GOLGA4: variants seen among roughly 807,000 people sequenced by gnomAD.
GOLGA4 encodes golgin A4.
GOLGA4 carries 169 observed loss-of-function variants against 265.9 expected under a neutral mutation model. The ratio of observed to expected loss-of-function variants is 0.64; its 90% CI spans 0.56 to 0.72. The LOEUF is 0.72. Ranked by LOEUF, GOLGA4 falls within the 30% of genes least tolerant of loss-of-function variation. The probability of loss-of-function intolerance (pLI) is 0.00; values close to 1 mark genes in which losing one functional copy is unlikely to be tolerated. For missense variants in GOLGA4, 2,482 were observed against 2,483.4 expected (o/e 1.00, Z 0.01); for synonymous variants, 923 against 855.8 (o/e 1.08, Z -1.37).
At chr3:37,355,639 C>G (rs182706782) in intron 22 of GOLGA4, among the ~76,000 whole-genome samples, 41 of 152,086 alleles carry the variant, frequency 2.7e-4, no homozygotes, top group Middle Eastern at 3.4e-3. Context: ...GCTTTTGATA[C>G]CTTATGGGGG....
intron 2 of GOLGA4, among the ~76,000 whole-genome samples, chr3:37,259,864 C>T (rs542121075): frequency 4.6e-5 from 7 of 152,232 alleles, no homozygotes; most frequent in South Asian, 2.1e-4. Flanking sequence ...TCCTTTTATG[C>T]TGTCATTTTG....
At chr3:37,353,724 G>A (rs1462392285) in intron 21 of GOLGA4, among the ~76,000 whole-genome samples, 2 of 151,776 alleles carry the variant, frequency 1.3e-5, no homozygotes, top group Admixed American at 1.3e-4. Flanking sequence ...TTGTAGAGAC[G>A]GCCATAAATA....
intron 12 of GOLGA4, among the ~76,000 whole-genome samples, chr3:37,320,858 T>C (rs1450386554): frequency 6.6e-6 from 1 of 152,138 alleles, no homozygotes; most frequent in African/African-American, 2.4e-5. Flanking sequence ...TATAGAGATA[T>C]ATTTAAAATA....
At position 37,243,428 on chromosome 3, in the gene GOLGA4, C is replaced by T; in HGVS notation, c.-123C>T. ...CTTGCCCACAGCCTCAAGGAGGAGA[C>T]GGCGAGGCCCGGCCCCCGCTGTCCC... is the stretch of plus-strand genomic sequence containing the variant. On this transcript the variant is annotated 5_prime_UTR_variant, in exon 1 of 24. In the 5' UTR this introduces an upstream ATG that the reference lacks. Transcript: ENST00000361924. 2 of 803,864 alleles carry T rather than the reference C, an allele frequency of 2.5e-6. No individual in the cohort carries two copies. The highest frequency in any genetic ancestry group is 4.3e-6 in the Non-Finnish European group (2 of 468,276). 49.8% of individuals were successfully genotyped at this position (803,864 alleles called of 1,614,324 possible).
chr3:37,283,096 A>T (rs900018867), intron 3 of GOLGA4, among the ~76,000 whole-genome samples: 3 of 152,236 alleles, frequency 2.0e-5, no homozygotes, highest in Admixed American at 6.5e-5. Context: ...CAGAGTCAGT[A>T]TATTAAAGAT....
chr3:37,325,702 T>C lies in GOLGA4; in HGVS notation c.3816T>C (p.Ser1272=). 6.2e-7 allele frequency: 1 copy of C among 1,613,728 alleles called. No individual in the cohort carries two copies. The highest frequency in any genetic ancestry group is 8.5e-7 in the Non-Finnish European group (1 of 1,179,632). ...EALLIKTCTV[S]ELEAQLRQLT... ...TGTTAATTAAAACTTGCACAGTTTC[T>C]GAATTAGAAGCACAACTTAGACAGT... The change falls in exon 14 of 24, where the codon TCT becomes TCC. Residue 1272 remains serine, a synonymous_variant. Transcript: ENST00000361924.
rs189139344 is a variant in GOLGA4 at position 37,333,335 on chromosome 3, T to C, written c.6193-1718T>C. Among the ~76,000 whole-genome samples, 4 of 152,368 alleles carry C rather than the reference T, an allele frequency of 2.6e-5. No homozygotes were observed. In the East Asian group the frequency reaches 7.7e-4, roughly 29 times the overall value. On this transcript the variant is annotated intron_variant, in intron 16 of 23. Coordinates refer to ENST00000361924, the MANE Select transcript of GOLGA4 (RefSeq NM_002078.5). ...ACCTGTTATGTATATACATAAAGAT[T>C]CAACTTAGTTTTTCTTAGTGTTTTT...
chr3:37,245,483 A>G (rs923364587), intron 1 of GOLGA4: 1 of 152,248 alleles, frequency 6.6e-6, no homozygotes, highest in Non-Finnish European at 1.5e-5. Context: ...ATATACACAC[A>G]TAGTAAAACT....
Position 37,243,327 on chromosome 3 carries a change from C to G in GOLGA4, c.-224C>G, listed in dbSNP as rs578261830. The G allele has an allele frequency of 1.8e-6, 1 of 570,944 alleles. No homozygotes were observed. The highest frequency in any genetic ancestry group is 3.1e-6 in the Non-Finnish European group (1 of 319,308). 35.4% of individuals were successfully genotyped at this position (570,944 alleles called of 1,614,324 possible). ...CGGCTCCCGGGGCTGGATGGGGGGC[C>G]GAGGCCAGCCAGTGGCACCCGGAAG... On this transcript the variant is annotated 5_prime_UTR_variant, in exon 1 of 24. Coordinates refer to ENST00000361924, the MANE Select transcript of GOLGA4 (RefSeq NM_002078.5).
chr3:37,328,276 TCA>T (rs757082100), intron 14 of GOLGA4, 138 bp from the exon 15 acceptor site: 392 of 716,726 alleles, frequency 5.5e-4, no homozygotes, highest in Non-Finnish European at 5.6e-4. Context: ...ACACTCACTC[TCA>T]CACTCTCTCT....
At chr3:37,350,690 A>G (rs2151053497) in intron 21 of GOLGA4, among the ~76,000 whole-genome samples, 1 of 152,296 alleles carries the variant, frequency 6.6e-6, no homozygotes, top group Non-Finnish European at 1.5e-5. Context: ...AGACCACTGC[A>G]ATAAATGAAT....
rs767936704 is a variant in GOLGA4, at chr3:37,324,297, A to G, written c.2411A>G (p.Gln804Arg). 1.2e-6 allele frequency: 2 copies of G among 1,614,240 alleles called. No individual in the cohort carries two copies. Among genetic ancestry groups the G allele is most frequent in the Non-Finnish European group, 1.7e-6 (2 of 1,180,032 alleles). ...GCATCTGCTAAGCTGGACGTTTTTC[A>G]GTCTTACCAGAGTGCCACACATGAG... ...QQASAKLDVFQSYQSATHEQT... is the reference protein window; with the variant it reads ...QQASAKLDVFRSYQSATHEQT... Residue 804 changes from glutamine to arginine, a missense_variant, in exon 14 of 24, where the codon CAG (glutamine) becomes CGG (arginine). Physicochemically the swap from Gln to Arg is conservative, Grantham distance 43 (BLOSUM62 1). Coordinates refer to ENST00000361924, the MANE Select transcript of GOLGA4 (RefSeq NM_002078.5).
At chr3:37,339,288 TTATC>T in intron 19 of GOLGA4, among the ~76,000 whole-genome samples, 1 of 152,358 alleles carries the variant, frequency 6.6e-6, no homozygotes, top group Middle Eastern at 3.4e-3. Flanking sequence ...TACATTTTGT[TTATC>T]CATTCATCAG....
intron 10 of GOLGA4, among the ~76,000 whole-genome samples, chr3:37,311,847 A>C (rs1336149063): frequency 1.3e-5 from 2 of 152,232 alleles, no homozygotes; most frequent in Non-Finnish European, 2.9e-5. Flanking sequence ...AAATTTACTG[A>C]CTAGATTAGA....
At chr3:37,247,119 T>C (rs1448390650) in intron 1 of GOLGA4, among the ~76,000 whole-genome samples, 2 of 152,184 alleles carry the variant, frequency 1.3e-5, no homozygotes, top group East Asian at 1.9e-4. Context: ...TTTAATAAGT[T>C]TGGTACCTAA....
intron 1 of GOLGA4, among the ~76,000 whole-genome samples, chr3:37,246,091 C>T (rs1400694379): frequency 6.6e-6 from 1 of 151,944 alleles, no homozygotes; most frequent in Non-Finnish European, 1.5e-5. Flanking sequence ...TGGCTCATGC[C>T]TGTAATCCCA....
intron 10 of GOLGA4, among the ~76,000 whole-genome samples, chr3:37,303,689 C>T (rs907859344): frequency 4.6e-5 from 7 of 152,070 alleles, no homozygotes; most frequent in South Asian, 4.2e-4. Flanking sequence ...GTAGGAGAGG[C>T]GGATTTCTAC....
In GOLGA4 at chr3:37,324,250, G is replaced by A. The variant is rs2096963358; in HGVS notation, c.2364G>A (p.Arg788=). 1 of 1,614,156 alleles carries A rather than the reference G, an allele frequency of 6.2e-7. No individual in the cohort carries two copies. Among genetic ancestry groups the A allele is most frequent in the Admixed American group, 1.7e-5 (1 of 60,032 alleles). Residue 788 remains arginine (R), a synonymous_variant, in exon 14 of 24, where the codon AGG becomes AGA. Coordinates refer to ENST00000361924, the MANE Select transcript of GOLGA4 (RefSeq NM_002078.5). ...AAAATTTAGAGGCAGATATTAAAAG[G>A]TCTGAAGGGGAACTCCAGCAGGCAT... is the stretch of plus-strand genomic sequence containing the variant. The part of the protein sequence containing the change: ...HVENLEADIK[R]SEGELQQASA...
Position 37,291,913 on chromosome 3 carries a change from A to G in GOLGA4, c.582+2622A>G, listed in dbSNP as rs1356957922. Among the ~76,000 whole-genome samples, 5 of 152,022 alleles carry G rather than the reference A, an allele frequency of 3.3e-5. No homozygotes were observed. The East Asian group carries it at 9.7e-4, about 29-fold the overall frequency. ...TTTTTTTAATCCACCTACATGTATT[A>G]GTTTTCTCTTGCTGCTGCAACAAAT... is the stretch of plus-strand genomic sequence containing the variant. On this transcript the variant is annotated intron_variant, in intron 5 of 23. Transcript: ENST00000361924.
Sources: gnomAD v4.1 joint callset for allele counts (sites outside exome capture counted in the v4.1 genomes callset) on GRCh38, gnomAD v4.1.1 for gene constraint, MANE v1.5 for transcripts, NCBI Gene and HGNC (gene_info 2026-07-23, HGNC 2026-07-21) for gene names.